GFRA1: variants seen among roughly 807,000 people sequenced by gnomAD.
GFRA1 encodes GDNF family receptor alpha-1.
In GFRA1, 16 loss-of-function variants were observed where a neutral mutation model predicts 51.6. The observed-to-expected ratio is 0.31, with a 90% CI of 0.21 to 0.47. GFRA1 has a LOEUF of 0.47. GFRA1 is among the 20% of genes least tolerant of loss of function. GFRA1 has a pLI of 1.00. For missense variants in GFRA1, 530 were observed against 594.3 expected, an observed-to-expected ratio of 0.89 and a Z score of 1.13; for synonymous variants, 270 against 241.3, an observed-to-expected ratio of 1.12 and a Z score of -1.10.
rs35157891 is a variant in GFRA1 at position 116,167,575 on chromosome 10, CTT to C, written c.434-42020_434-42019del. Among the ~76,000 whole-genome samples, 397 of 148,458 alleles carry C rather than the reference CTT, an allele frequency of 2.7e-3. 2 individuals are homozygous for C. The highest frequency in any genetic ancestry group is 8.6e-3 in the African/African-American group (349 of 40,504). On this transcript the variant is annotated intron_variant, in intron 5 of 10. Coordinates refer to ENST00000355422, the MANE Select transcript of GFRA1 (RefSeq NM_005264.8). ...TTCAAAATTAATTGTAACCAAAGTC[CTT>C]TTTTTTTTTTCCTTCCCAGTTTCTG...
chr10:116,061,713 C>A lies in GFRA1; in HGVS notation c.*2685G>T, dbSNP rs941167461. 9.7e-6 allele frequency: 3 copies of A among 308,754 alleles called. No individual in the cohort carries two copies. The highest frequency in any genetic ancestry group is 6.4e-5 in the African/African-American group (3 of 46,732). The allele number at this position is 308,754 out of a possible 1,614,324, so 19.1% of individuals were successfully genotyped here. A position where few individuals can be genotyped will look rare whatever the true frequency, so the allele number is the denominator to read the frequency against. On this transcript the variant is annotated 3_prime_UTR_variant, in exon 11 of 11. Coordinates refer to ENST00000355422, the MANE Select transcript of GFRA1 (RefSeq NM_005264.8). ...GATAACCCCTGTCTTCAGTGGCACC[C>A]CAAATGCCCGGACTGAAGGACAGGA...
Position 116,063,223 on chromosome 10 carries a change from G to C in GFRA1, c.*1175C>G, listed in dbSNP as rs938685455. 2 of 152,238 alleles carry C rather than the reference G, an allele frequency of 1.3e-5. No individual in the cohort carries two copies. The highest frequency in any genetic ancestry group is 1.3e-4 in the Admixed American group (2 of 15,282). 9.4% of individuals were successfully genotyped at this position (152,238 alleles called of 1,614,324 possible). On this transcript the variant is annotated 3_prime_UTR_variant, in exon 11 of 11. Coordinates refer to ENST00000355422, the MANE Select transcript of GFRA1 (RefSeq NM_005264.8). ...GATTGTGTCATGACAAGTGTGTCAA[G>C]AGATGCTGCAGAACATTTACAAGCA...
At chr10:116,108,060 T>A (rs1371677864) in intron 6 of GFRA1, among the ~76,000 whole-genome samples, 2 of 150,564 alleles carry the variant, frequency 1.3e-5, no homozygotes, top group Admixed American at 6.6e-5. Context: ...TGGGAGGGGG[T>A]GGGGAAAGGG....
At chr10:116,196,365 T>G (rs1963748088) in intron 5 of GFRA1, among the ~76,000 whole-genome samples, 1 of 150,516 alleles carries the variant, frequency 6.6e-6, no homozygotes, top group African/African-American at 2.4e-5. Context: ...GGCAGGTGCC[T>G]GTAATCCCAG....
chr10:116,175,847 G>C (rs1342294720), intron 5 of GFRA1, among the ~76,000 whole-genome samples: 1 of 152,068 alleles, frequency 6.6e-6, no homozygotes, highest in Non-Finnish European at 1.5e-5. Flanking sequence ...TTTCCAAAGG[G>C]ACCTACCCAT....
intron 5 of GFRA1, among the ~76,000 whole-genome samples, chr10:116,139,095 C>G (rs993345545): frequency 3.3e-5 from 5 of 152,260 alleles, no homozygotes; most frequent in Admixed American, 2.0e-4. Flanking sequence ...CACCTGGCTC[C>G]TGTCCATCGA....
At chr10:116,155,852 T>C (rs1352772688) in intron 5 of GFRA1, among the ~76,000 whole-genome samples, 1 of 152,140 alleles carries the variant, frequency 6.6e-6, no homozygotes, top group Admixed American at 6.5e-5. Context: ...AATAGATGGT[T>C]GTAAAACCAA....
chr10:116,184,356 G>A (rs905135096), intron 5 of GFRA1, among the ~76,000 whole-genome samples: 1 of 152,046 alleles, frequency 6.6e-6, no homozygotes, highest in African/African-American at 2.4e-5. Context: ...ACGCAGCTTG[G>A]AGGAGGGCAG....
chr10:116,128,855 ATT>A (rs3837362), intron 5 of GFRA1, among the ~76,000 whole-genome samples: 5 of 151,686 alleles, frequency 3.3e-5, no homozygotes, highest in Non-Finnish European at 7.4e-5. Context: ...GAAAAGCAAT[ATT>A]TTTTTTAAAA....
intron 5 of GFRA1, among the ~76,000 whole-genome samples, chr10:116,210,196 T>C (rs1965082079): frequency 6.6e-6 from 1 of 152,150 alleles, no homozygotes; most frequent in African/African-American, 2.4e-5. Context: ...ACAACCACCA[T>C]GAACGCTCAC....
At chr10:116,273,694 TCA>T (rs1190475598), upstream of GFRA1, among the ~76,000 whole-genome samples, 3,048 of 84,730 alleles carry the variant, frequency 0.036, 74 homozygotes, top group African/African-American at 0.091. Flanking sequence ...TCTCTCTCTC[TCA>T]CACACACACA....
intron 4 of GFRA1, among the ~76,000 whole-genome samples, chr10:116,241,175 T>C (rs112262086): frequency 0.015 from 2,308 of 152,314 alleles, 20 homozygotes; most frequent in African/African-American, 0.021. Flanking sequence ...GTAATAGTGA[T>C]AGTGTGTTTT....
Position 116,096,652 on chromosome 10 carries a change from T to C in GFRA1, c.880+3A>G. On this transcript the variant is annotated splice_donor_region_variant and intron_variant, in intron 7 of 10. Coordinates refer to ENST00000355422, the MANE Select transcript of GFRA1 (RefSeq NM_005264.8). ...CTCCCATCCTGCTTCTCTCGGATCT[T>C]ACCAATAAGCCCCGAGTAGGCGAGG... The C allele has an allele frequency of 1.3e-6, 2 of 1,531,882 alleles. No homozygotes were observed. Among genetic ancestry groups the C allele is most frequent in the Non-Finnish European group, 1.8e-6 (2 of 1,105,714 alleles). 94.9% of individuals were successfully genotyped at this position (1,531,882 alleles called of 1,614,324 possible). A position where few individuals can be genotyped will look rare whatever the true frequency, so the allele number is the denominator to read the frequency against.
At chr10:116,190,221 C>A (rs1331386504) in intron 5 of GFRA1, among the ~76,000 whole-genome samples, 1 of 152,192 alleles carries the variant, frequency 6.6e-6, no homozygotes, top group Non-Finnish European at 1.5e-5. Context: ...ACTCATAAAG[C>A]CAAACCTTTC....
At chr10:116,099,777 G>T (rs933072309) in intron 6 of GFRA1, among the ~76,000 whole-genome samples, 5 of 152,178 alleles carry the variant, frequency 3.3e-5, no homozygotes, top group Admixed American at 3.3e-4. Flanking sequence ...CAAGTAAAAA[G>T]ATTATTATAA....
intron 9 of GFRA1, among the ~76,000 whole-genome samples, chr10:116,088,491 C>T (rs1956188879): frequency 6.6e-6 from 1 of 152,132 alleles, no homozygotes; most frequent in African/African-American, 2.4e-5. Context: ...GACTCTGTGA[C>T]CCATTAGCTC....
intron 9 of GFRA1, among the ~76,000 whole-genome samples, chr10:116,085,512 AG>A (rs1956060017): frequency 6.7e-6 from 1 of 148,698 alleles, no homozygotes. Flanking sequence ...AGATATTTCT[AG>A]GACCCCCATC....
intron 5 of GFRA1, among the ~76,000 whole-genome samples, chr10:116,207,955 G>GT (rs1964911313): frequency 2.0e-5 from 3 of 152,158 alleles, no homozygotes; most frequent in African/African-American, 7.2e-5. Context: ...CTCATGTACT[G>GT]TTCTGTGTGT....
chr10:116,228,356 G>A (rs1018032270), intron 4 of GFRA1, among the ~76,000 whole-genome samples: 1 of 152,178 alleles, frequency 6.6e-6, no homozygotes, highest in African/African-American at 2.4e-5. Flanking sequence ...AAGACAGCCA[G>A]GATTGCTCCA....
Sources: gnomAD v4.1 joint callset for allele counts (sites outside exome capture counted in the v4.1 genomes callset) on GRCh38, gnomAD v4.1.1 for gene constraint, MANE v1.5 for transcripts, NCBI Gene and HGNC (gene_info 2026-07-23, HGNC 2026-07-21) for gene names.